The following SH2D3C variants were observed in gnomAD, a reference collection of about 807,000 sequenced individuals.
The protein encoded by SH2D3C is SH2 domain containing 3C, also known as SH2 domain-containing protein 3C.
A neutral mutation model predicts 75.2 loss-of-function variants in SH2D3C; 25 were observed. That is an observed-to-expected ratio of 0.33 (90% confidence interval 0.24 to 0.46). The LOEUF is 0.46. Among genes scored for constraint, SH2D3C ranks in the 20% least tolerant of loss-of-function variants. The pLI is 1.00. For missense variants in SH2D3C, 933 were observed against 1,165.3 expected (o/e 0.80, Z 2.90); for synonymous variants, 450 against 473.7 (o/e 0.95, Z 0.65).
At position 127,739,631 on chromosome 9, in the gene SH2D3C, T is replaced by C; in HGVS notation, c.2407+51A>G. 1 of 1,516,694 alleles carries C rather than the reference T, an allele frequency of 6.6e-7. No individual in the cohort carries two copies. The highest frequency in any genetic ancestry group is 1.8e-5 in the Admixed American group (1 of 55,834). 94.0% of individuals were successfully genotyped at this position (1,516,694 alleles called of 1,614,324 possible). On this transcript the variant is annotated intron_variant, in intron 11 of 11. Transcript: ENST00000314830. This position sits in a 1 kb window ranked among gnomAD's most constrained non-coding sequence, Gnocchi z 4.3. The stretch of plus-strand genomic sequence containing the variant: ...GAGAAAAGGGAAGCAGTGAGGCAGG[T>C]GGAGGGAGGCCCAGGCCTGCAAGCC...
chr9:127,762,120 C>T, intron 2 of SH2D3C: 5 of 1,049,082 alleles, frequency 4.8e-6, no homozygotes, highest in Non-Finnish European at 6.0e-6. Flanking sequence ...CGTCCTCTTA[C>T]CCTGCACTCA....
chr9:127,754,950 G>C lies in SH2D3C; in HGVS notation c.556-3650C>G, dbSNP rs150141711. On this transcript the variant is annotated intron_variant, in intron 3 of 11. Coordinates refer to ENST00000314830, the MANE Select transcript of SH2D3C (RefSeq NM_170600.3). The surrounding 1 kb of genome is among the most constrained non-coding windows in gnomAD (Gnocchi z 4.4). The stretch of plus-strand genomic sequence containing the variant: ...ACCCCGCCCCCTCCCCGGGTCGGCC[G>C]GGCCCAGCCCAGCCCGACCCTGCCG... 11,211 of 528,128 alleles carry C rather than the reference G, an allele frequency of 0.021. 971 individuals are homozygous for C. Among genetic ancestry groups the C allele is most frequent in the African/African-American group, 0.2 (9,343 of 47,368 alleles). The allele number at this position is 528,128 out of a possible 1,614,324, so 32.7% of individuals were successfully genotyped here.
chr9:127,754,529 G>A lies in SH2D3C; in HGVS notation c.556-3229C>T, dbSNP rs1237498320. ...CCTCTCACCGCCGCGGCGCCGTCCT[G>A]CACTGCCCGGCCAGCTGGGCTGGGA... is the stretch of plus-strand genomic sequence containing the variant. On this transcript the variant is annotated intron_variant, in intron 3 of 11. Transcript: ENST00000314830. The surrounding 1 kb of genome is among the most constrained non-coding windows in gnomAD (Gnocchi z 4.4). Among the ~76,000 whole-genome samples, 1 of 152,096 alleles carries A rather than the reference G, an allele frequency of 6.6e-6. No homozygotes were observed. The highest frequency in any genetic ancestry group is 1.5e-5 in the Non-Finnish European group (1 of 67,978).
chr9:127,752,164 C>G (rs1362843535), intron 3 of SH2D3C, among the ~76,000 whole-genome samples: 1 of 152,116 alleles, frequency 6.6e-6, no homozygotes, highest in African/African-American at 2.4e-5. Flanking sequence ...CCCAGGGGCC[C>G]TAAGGGAAGA....
intron 2 of SH2D3C, among the ~76,000 whole-genome samples, chr9:127,770,390 C>T (rs1845711682): frequency 6.6e-6 from 1 of 152,166 alleles, no homozygotes; most frequent in Non-Finnish European, 1.5e-5. Context: ...TGGCATTTCC[C>T]AAATGTCCTC....
At chr9:127,761,569 C>A (rs549951250) in intron 3 of SH2D3C, 42 bp downstream of exon 3, 3 of 1,476,826 alleles carry the variant, frequency 2.0e-6, no homozygotes, top group African/African-American at 2.8e-5. Context: ...GGCTCTGAGA[C>A]CTTCAGTGTC....
chr9:127,745,087 T>C lies in SH2D3C; in HGVS notation c.1277A>G (p.His426Arg), dbSNP rs1253962386. 9 of 1,502,944 alleles carry C rather than the reference T, an allele frequency of 6.0e-6. No homozygotes were observed. The highest frequency in any genetic ancestry group is 8.0e-6 in the Non-Finnish European group (9 of 1,128,204). 93.1% of individuals were successfully genotyped at this position (1,502,944 alleles called of 1,614,324 possible). Reference protein sequence around the residue: ...SPAYSTVTRVHAAPAAPSATA... With the variant: ...SPAYSTVTRVRAAPAAPSATA... Reference sequence around the variant, plus strand: ...GGCAGAAGGGGCTGCAGGGGCGGCATGGACACGGGTTACTGCAGAAAGGTA... The same window carrying C: ...GGCAGAAGGGGCTGCAGGGGCGGCACGGACACGGGTTACTGCAGAAAGGTA... The change falls in exon 7 of 12, where the codon CAT (histidine) becomes CGT (arginine). Residue 426 changes from histidine (H) to arginine (R), a missense_variant. Coordinates refer to ENST00000314830, the MANE Select transcript of SH2D3C (RefSeq NM_170600.3).
rs138762262 is a variant in SH2D3C, at chr9:127,755,446, G to A, written c.556-4146C>T. The A allele has an allele frequency of 9.8e-3, 2,503 of 256,164 alleles. 64 individuals carry two copies. Among genetic ancestry groups the A allele is most frequent in the African/African-American group, 0.046 (2,065 of 44,442 alleles). 15.9% of individuals were successfully genotyped at this position (256,164 alleles called of 1,614,324 possible). A position where few individuals can be genotyped will look rare whatever the true frequency, so the allele number is the denominator to read the frequency against. ...GCGCTCGGGCTGCCTGGAGCTGCGG[G>A]CGCGGAGCGGAGGACCTGCCAAGGA... On this transcript the variant is annotated intron_variant, in intron 3 of 11. Coordinates refer to ENST00000314830, the MANE Select transcript of SH2D3C (RefSeq NM_170600.3).
intron 3 of SH2D3C, among the ~76,000 whole-genome samples, chr9:127,756,523 T>C (rs1845383183): frequency 6.6e-6 from 1 of 152,108 alleles, no homozygotes; most frequent in Non-Finnish European, 1.5e-5. Flanking sequence ...TGGAATTTTA[T>C]GGTCTTGGAA....
In SH2D3C at chr9:127,739,528, A is replaced by G. The variant is rs753490196; in HGVS notation, c.2407+154T>C. On this transcript the variant is annotated intron_variant, in intron 11 of 11. Coordinates refer to ENST00000314830, the MANE Select transcript of SH2D3C (RefSeq NM_170600.3). This position sits in a 1 kb window ranked among gnomAD's most constrained non-coding sequence, Gnocchi z 4.3. ...CCATCTCAAAAAAAAAAGAAAAAAG[A>G]AAAGAAAAGACATGAGAGGAAGGGG... Among the ~76,000 whole-genome samples the G allele has an allele frequency of 6.6e-5, 10 of 152,086 alleles. No individual in the cohort carries two copies. The highest frequency in any genetic ancestry group is 1.5e-4 in the Non-Finnish European group (10 of 68,004).
chr9:127,757,190 G>A (rs550002201), intron 3 of SH2D3C, among the ~76,000 whole-genome samples: 94 of 149,456 alleles, frequency 6.3e-4, no homozygotes, highest in Middle Eastern at 3.5e-3. Flanking sequence ...TGATCTGCCC[G>A]CATTACACGC....
intron 2 of SH2D3C, among the ~76,000 whole-genome samples, chr9:127,769,805 G>A (rs1845700245): frequency 6.6e-6 from 1 of 152,168 alleles, no homozygotes; most frequent in Non-Finnish European, 1.5e-5. Context: ...CAATTTCTCT[G>A]TGACCCCAGG....
chr9:127,749,170 A>C lies in SH2D3C; in HGVS notation c.1139+41T>G. 1 of 1,425,204 alleles carries C rather than the reference A, an allele frequency of 7.0e-7. No individual in the cohort carries two copies. Among genetic ancestry groups the C allele is most frequent in the African/African-American group, 1.4e-5 (1 of 70,536 alleles). 88.3% of individuals were successfully genotyped at this position (1,425,204 alleles called of 1,614,324 possible). On this transcript the variant is annotated intron_variant, in intron 5 of 11. Transcript: ENST00000314830. This position sits in a 1 kb window ranked among gnomAD's most constrained non-coding sequence, Gnocchi z 5.9. ...CCTTCTCTTTCTCACTAGCCCTCTCATTACCCACAACCCCATTTGACAAAT... is the reference window on the plus strand; with the variant it reads ...CCTTCTCTTTCTCACTAGCCCTCTCCTTACCCACAACCCCATTTGACAAAT...
In SH2D3C at chr9:127,739,033, A is replaced by T; in HGVS notation, c.2408-112T>A. The T allele has an allele frequency of 1.0e-6, 1 of 983,206 alleles. No homozygotes were observed. The allele number at this position is 983,206 out of a possible 1,614,324, so 60.9% of individuals were successfully genotyped here. A position where few individuals can be genotyped will look rare whatever the true frequency, so the allele number is the denominator to read the frequency against. On this transcript the variant is annotated intron_variant, in intron 11 of 11. Coordinates refer to ENST00000314830, the MANE Select transcript of SH2D3C (RefSeq NM_170600.3). This position sits in a 1 kb window ranked among gnomAD's most constrained non-coding sequence, Gnocchi z 4.3. ...CTCCCCTCAACTCCGCCAGGGATCC[A>T]ACAAGGTTTGTGAATCAACACGACC...
intron 2 of SH2D3C, among the ~76,000 whole-genome samples, chr9:127,766,117 G>A (rs914323644): frequency 1.3e-5 from 2 of 152,220 alleles, no homozygotes; most frequent in African/African-American, 4.8e-5. Flanking sequence ...GAAGGGTGAC[G>A]TTCCCCCAGG....
At chr9:127,777,168 A>G (rs1158120866) in intron 1 of SH2D3C, among the ~76,000 whole-genome samples, 1 of 152,166 alleles carries the variant, frequency 6.6e-6, no homozygotes, top group African/African-American at 2.4e-5. Flanking sequence ...AAATGCAGTC[A>G]CAATCACTGC....
chr9:127,760,229 C>T (rs1845494385), intron 3 of SH2D3C, among the ~76,000 whole-genome samples: 1 of 152,150 alleles, frequency 6.6e-6, no homozygotes, highest in Admixed American at 6.5e-5. Flanking sequence ...CCCACATGGA[C>T]CGGGAGCCCT....
Position 127,751,137 on chromosome 9 carries a change from G to T in SH2D3C, c.684+35C>A. 1 of 1,610,300 alleles carries T rather than the reference G, an allele frequency of 6.2e-7. No homozygotes were observed. ...GCTGGCCAAGGCAGTGGGTGGGAGG[G>T]TCCCGGGTTGAAGTCCAGCTCGGGG... On this transcript the variant is annotated intron_variant, in intron 4 of 11. Coordinates refer to ENST00000314830, the MANE Select transcript of SH2D3C (RefSeq NM_170600.3). The surrounding 1 kb of genome is among the most constrained non-coding windows in gnomAD (Gnocchi z 4.1).
chr9:127,762,337 A>T (rs1259190928), intron 2 of SH2D3C: 2 of 1,300,090 alleles, frequency 1.5e-6, no homozygotes, highest in Admixed American at 4.6e-5. Flanking sequence ...TGCTACCCCT[A>T]CCCTCAGGCA....
Sources: gnomAD v4.1 joint callset for allele counts (sites outside exome capture counted in the v4.1 genomes callset) on GRCh38, gnomAD v4.1.1 for gene constraint, Gnocchi (gnomAD v3.1) non-coding constraint, MANE v1.5 for transcripts, NCBI Gene and HGNC (gene_info 2026-07-23, HGNC 2026-07-21) for gene names.